CYBB: variants seen among roughly 807,000 people sequenced by gnomAD.
CYBB encodes NADPH oxidase 2.
CYBB carries 5 observed loss-of-function variants against 46.5 expected under a neutral mutation model. That is an observed-to-expected ratio of 0.11 (90% CI 0.06 to 0.23). The LOEUF is 0.23. CYBB is among the 10% of genes least tolerant of loss of function. The probability of loss-of-function intolerance (pLI) is 1.00; values close to 1 mark genes in which losing one functional copy is unlikely to be tolerated. For missense variants in CYBB, 307 were observed against 428.3 expected (o/e 0.72, Z 2.50); for synonymous variants, 183 against 156.7 (o/e 1.17, Z -1.26).
chrX:37,793,321 G>T (rs1363079819), intron 4 of CYBB, among the ~76,000 whole-genome samples: 1 of 109,588 alleles, frequency 9.1e-6, no homozygotes, highest in Non-Finnish European at 1.9e-5. Context: ...GATAATGAGA[G>T]CATATCTAAA....
intron 5 of CYBB, among the ~76,000 whole-genome samples, chrX:37,795,564 T>C (rs1252905199): frequency 8.9e-6 from 1 of 111,880 alleles, no homozygotes. Flanking sequence ...TCCCAGAATA[T>C]ATTTGCAAAC....
chrX:37,787,218 G>A (rs782037754), intron 3 of CYBB, among the ~76,000 whole-genome samples: 4 of 111,947 alleles, frequency 3.6e-5, no homozygotes, highest in African/African-American at 1.3e-4. Context: ...TCTACTGCCA[G>A]CAGGTGTGGA....
intron 7 of CYBB, among the ~76,000 whole-genome samples, chrX:37,800,926 A>G (rs1929424221): frequency 8.9e-6 from 1 of 112,023 alleles, no homozygotes; most frequent in Non-Finnish European, 1.9e-5. Context: ...TCTGAAACCA[A>G]CCTTGCTTTG....
intron 3 of CYBB, among the ~76,000 whole-genome samples, chrX:37,786,477 T>C (rs781816185): frequency 2.2e-4 from 25 of 111,686 alleles, no homozygotes; most frequent in African/African-American, 8.1e-4. Context: ...AAGGACTTAA[T>C]AGTAGGACAC....
At chrX:37,799,152 A>T (rs1444903052) in intron 7 of CYBB, 68 bp downstream of exon 7, 10 of 1,018,686 alleles carry the variant, frequency 9.8e-6, no homozygotes, top group Non-Finnish European at 1.2e-5. Context: ...TCTAAGAAAC[A>T]TGTACAGATG....
Position 37,796,108 on chromosome X carries a change from T to C in CYBB, c.641T>C (p.Ile214Thr). 8.3e-7 allele frequency: 1 copy of C among 1,210,317 alleles called. No homozygotes were observed. Among genetic ancestry groups the C allele is most frequent in the South Asian group, 1.8e-5 (1 of 56,992 alleles). ...VFWYTHHLFV[I>T]FFIGLAIHGA... Reference sequence around the variant, plus strand: ...TGGTACACACATCATCTCTTTGTGATCTTCTTCATTGGCCTTGCCATCCAT... The same window carrying C: ...TGGTACACACATCATCTCTTTGTGACCTTCTTCATTGGCCTTGCCATCCAT... The change falls in exon 6 of 13, where the codon ATC becomes ACC. Residue 214 changes from isoleucine to threonine, a missense_variant. Transcript: ENST00000378588.
intron 10 of CYBB, 87 bp from the exon 11 acceptor site, chrX:37,806,300 T>A: frequency 1.0e-6 from 1 of 1,004,371 alleles, no homozygotes; most frequent in Non-Finnish European, 1.4e-6. Flanking sequence ...CAAGAAAAAG[T>A]TTAGGTGACA....
In CYBB at chrX:37,810,994, C is replaced by T; in HGVS notation, c.*77C>T. 1.1e-6 allele frequency: 1 copy of T among 951,724 alleles called. No individual in the cohort carries two copies. Among genetic ancestry groups the T allele is most frequent in the Non-Finnish European group, 1.5e-6 (1 of 675,062 alleles). 78.4% of individuals were successfully genotyped at this position (951,724 alleles called of 1,213,427 possible). ...ATAATGCTAATTGATAATATAAATA[C>T]CCCCTGCTTAAAAATGGACAAAAAG... On this transcript the variant is annotated 3_prime_UTR_variant, in exon 13 of 13. Coordinates refer to ENST00000378588, the MANE Select transcript of CYBB (RefSeq NM_000397.4).
intron 1 of CYBB, 82 bp from the exon 2 acceptor site, chrX:37,782,006 C>T: frequency 1.2e-6 from 1 of 829,575 alleles, no homozygotes; most frequent in Non-Finnish European, 1.8e-6. Flanking sequence ...TGGGGAAGTC[C>T]TGACCCTTAT....
intron 3 of CYBB, among the ~76,000 whole-genome samples, chrX:37,788,262 G>A (rs368948556): frequency 9.0e-5 from 10 of 111,687 alleles, no homozygotes; most frequent in East Asian, 2.8e-4. Context: ...TAAATTCGGC[G>A]TGCAGGAGCC....
intron 5 of CYBB, among the ~76,000 whole-genome samples, chrX:37,795,278 G>C (rs782567561): frequency 9.9e-5 from 11 of 111,446 alleles, no homozygotes; most frequent in Non-Finnish European, 2.1e-4. Context: ...GCCAATAACT[G>C]GTGGATGCAG....
intron 4 of CYBB, among the ~76,000 whole-genome samples, chrX:37,792,554 GAT>G (rs1929219605): frequency 9.1e-6 from 1 of 110,338 alleles, no homozygotes; most frequent in South Asian, 3.8e-4. Context: ...CCATACAATG[GAT>G]ATATATGTGT....
At position 37,810,776 on chromosome X, in the gene CYBB, T is replaced by G; in HGVS notation, c.1587-15T>G. On this transcript the variant is annotated splice_polypyrimidine_tract_variant and intron_variant, in intron 12 of 12. Transcript: ENST00000378588. Reference sequence around the variant, plus strand: ...CCCAAAGCTTGAAATTGTCTTTTTTTTTCTTTCCCAAAAGTACCAGAATAG... The same window carrying G: ...CCCAAAGCTTGAAATTGTCTTTTTTGTTCTTTCCCAAAAGTACCAGAATAG... 1 of 1,206,850 alleles carries G rather than the reference T, an allele frequency of 8.3e-7. No individual in the cohort carries two copies. Among genetic ancestry groups the G allele is most frequent in the Non-Finnish European group, 1.1e-6 (1 of 892,565 alleles).
chrX:37,783,555 G>A lies in CYBB; in HGVS notation c.207G>A (p.Leu69=). 8.3e-7 allele frequency: 1 copy of A among 1,209,912 alleles called. No individual in the cohort carries two copies. Among genetic ancestry groups the A allele is most frequent in the Non-Finnish European group, 1.1e-6 (1 of 893,737 alleles). The change falls in exon 3 of 13, where the codon TTG becomes TTA. Residue 69 remains leucine (L), a synonymous_variant. Transcript: ENST00000378588. ...CLNFNCMLIL[L]PVCRNLLSFL... ...ATTTCAACTGCATGCTGATTCTCTT[G>A]CCAGTCTGTCGAAATCTGCTGTCCT...
At chrX:37,798,887 C>A in intron 6 of CYBB, 68 bp from the exon 7 acceptor site, 1 of 1,070,876 alleles carries the variant, frequency 9.3e-7, no homozygotes, top group South Asian at 2.0e-5. Flanking sequence ...AAAATATATG[C>A]AGAATCTTTT....
In CYBB at chrX:37,804,894, CA is replaced by C. The variant is rs1184406462; in HGVS notation, c.1152-111del. 7.5e-6 allele frequency: 6 copies of C among 796,002 alleles called. No individual in the cohort carries two copies. The Admixed American group carries it at 9.8e-5, about 13-fold the overall frequency. The allele number at this position is 796,002 out of a possible 1,213,427, so 65.6% of individuals were successfully genotyped here. On this transcript the variant is annotated intron_variant, in intron 9 of 12. Transcript: ENST00000378588. ...CATAGAAGGAAGCACCCAATAGATA[CA>C]TTATTCCAATTTGAATTAACATGTT...
chrX:37,804,181 A>T, intron 9 of CYBB, 51 bp downstream of exon 9: 1 of 1,131,820 alleles, frequency 8.8e-7, no homozygotes, highest in Non-Finnish European at 1.2e-6. Context: ...GAAAAATGGC[A>T]CTAAATAGCT....
intron 6 of CYBB, chrX:37,798,274 C>G (rs1164501625): frequency 1.8e-5 from 2 of 112,341 alleles, no homozygotes; most frequent in African/African-American, 6.5e-5. Flanking sequence ...AGTTGCTCAA[C>G]TAGCATTTAT....
In CYBB at chrX:37,780,104, G is replaced by T. The variant is rs979166608; in HGVS notation, c.27G>T (p.Gly9=). The T allele has an allele frequency of 4.1e-6, 5 of 1,207,076 alleles. No individual in the cohort carries two copies. The highest frequency in any genetic ancestry group is 5.6e-6 in the Non-Finnish European group (5 of 892,926). The change falls in exon 1 of 13, where the codon GGG becomes GGT. Residue 9 remains glycine, a synonymous_variant. Coordinates refer to ENST00000378588, the MANE Select transcript of CYBB (RefSeq NM_000397.4). ...TGGGGAACTGGGCTGTGAATGAGGG[G>T]CTCTCCATTTTTGTCATTGTAAGTA... The part of the protein sequence containing the change: MGNWAVNE[G]LSIFVILVWL...
Sources: gnomAD v4.1 joint callset for allele counts (sites outside exome capture counted in the v4.1 genomes callset) on GRCh38, gnomAD v4.1.1 for gene constraint, MANE v1.5 for transcripts, NCBI Gene and HGNC (gene_info 2026-07-23, HGNC 2026-07-21) for gene names.